The following PCDHA3 variants were observed in gnomAD, a reference collection of about 807,000 sequenced individuals.
The protein encoded by PCDHA3 is protocadherin alpha 3, also known as protocadherin alpha-3.
A neutral mutation model predicts 62.2 loss-of-function variants in PCDHA3; 41 were observed. That is an observed-to-expected ratio of 0.66 (90% CI 0.51 to 0.86). The LOEUF (loss-of-function observed/expected upper bound fraction) is 0.86. Among genes scored for constraint, PCDHA3 ranks in the 40% least tolerant of loss-of-function variants. The pLI is 0.00. For synonymous variants in PCDHA3, 640 were observed against 555.4 expected, an observed-to-expected ratio of 1.15 and a Z score of -2.14; for missense variants, 1,304 against 1,241.2, an observed-to-expected ratio of 1.05 and a Z score of -0.76.
intron 1 of PCDHA3, chr5:140,876,086 C>T (rs371336139): frequency 2.5e-6 from 4 of 1,613,778 alleles, no homozygotes; most frequent in East Asian, 2.2e-5. Flanking sequence ...AGAGAGCAAA[C>T]GCCAAAACTC....
At chr5:140,954,592 T>G (rs1250050362) in intron 1 of PCDHA3, among the ~76,000 whole-genome samples, 13 of 152,236 alleles carry the variant, frequency 8.5e-5, no homozygotes, top group Non-Finnish European at 5.9e-5. Flanking sequence ...TCTGTTCATG[T>G]TCTTTGCCCA....
At chr5:140,966,695 C>A in intron 1 of PCDHA3, 1 of 1,358,486 alleles carries the variant, frequency 7.4e-7, no homozygotes, top group Non-Finnish European at 9.5e-7. Flanking sequence ...AGGCGGGGCC[C>A]GGGCGTGGGG....
chr5:140,808,399 C>T (rs782596581), intron 1 of PCDHA3: 1 of 1,614,190 alleles, frequency 6.2e-7, no homozygotes, highest in Non-Finnish European at 8.5e-7. Flanking sequence ...TCAAGAATTA[C>T]TACTCGTTGG....
chr5:140,806,829 C>A, intron 1 of PCDHA3: 1 of 241,094 alleles, frequency 4.1e-6, no homozygotes. Context: ...TATGGCGAAA[C>A]TAAGGACCAC....
intron 1 of PCDHA3, among the ~76,000 whole-genome samples, chr5:140,826,067 T>C (rs2150142384): frequency 9.2e-5 from 14 of 152,216 alleles, no homozygotes; most frequent in Non-Finnish European, 1.5e-4. Flanking sequence ...TTTATTCTCA[T>C]ATGCATTCAA....
At chr5:140,804,894 T>A (rs1172477675) in intron 1 of PCDHA3, 7 of 715,336 alleles carry the variant, frequency 9.8e-6, no homozygotes, top group Non-Finnish European at 1.3e-5. Flanking sequence ...CTCCTTCCCC[T>A]CACTTCCATT....
intron 1 of PCDHA3, chr5:140,837,228 C>T (rs1388432907): frequency 6.6e-6 from 1 of 152,156 alleles, no homozygotes; most frequent in African/African-American, 2.4e-5. Context: ...TTAAGCATTT[C>T]TTTTACATCT....
At chr5:140,868,379 T>A (rs1554161939) in intron 1 of PCDHA3, 7 of 152,204 alleles carry the variant, frequency 4.6e-5, no homozygotes, top group African/African-American at 2.4e-5. Flanking sequence ...CAGTAAAGAA[T>A]GAGAACTATA....
chr5:141,006,351 A>G (rs537027677), intron 3 of PCDHA3, among the ~76,000 whole-genome samples: 1 of 151,966 alleles, frequency 6.6e-6, no homozygotes, highest in Non-Finnish European at 1.5e-5. Flanking sequence ...AGCTGGGACT[A>G]TAGGCGCCCA....
Position 140,842,704 on chromosome 5 carries a change from G to T in PCDHA3, c.2394+39113G>T, listed in dbSNP as rs151170990. 1.9e-4 allele frequency: 301 copies of T among 1,595,236 alleles called. 23 individuals are homozygous for T. In the African/African-American group the frequency reaches 3.7e-3, roughly 20 times the overall value. On this transcript the variant is annotated intron_variant, in intron 1 of 3. Transcript: ENST00000522353. ...CGGCGTTCGCGCAGCCCGAGTACAC[G>T]GTGTTCGTGAAGGAGAACAACCCGC...
Position 140,848,739 on chromosome 5 carries a change from G to A in PCDHA3, c.2394+45148G>A. On this transcript the variant is annotated intron_variant, in intron 1 of 3. Coordinates refer to ENST00000522353, the MANE Select transcript of PCDHA3 (RefSeq NM_018906.3). The stretch of plus-strand genomic sequence containing the variant: ...CCTTCTGGAGGTAAATCTGCAGAAT[G>A]GCATTTTGTTTGTGAATTCTCGGAT... The A allele has an allele frequency of 6.9e-6, 11 of 1,593,092 alleles. 1 individual carries two copies. The highest frequency in any genetic ancestry group is 9.5e-6 in the Non-Finnish European group (11 of 1,163,752).
At position 141,010,447 on chromosome 5, in the gene PCDHA3, A is replaced by G. The variant is rs1343052000; in HGVS notation, c.*510A>G. On this transcript the variant is annotated 3_prime_UTR_variant, in exon 4 of 4. Coordinates refer to ENST00000522353, the MANE Select transcript of PCDHA3 (RefSeq NM_018906.3). Reference sequence around the variant, plus strand: ...GGCAAGAAAACAAAGACAAATAAACAGCGGAAGTTATCAGTATGGAGGGGA... The same window carrying G: ...GGCAAGAAAACAAAGACAAATAAACGGCGGAAGTTATCAGTATGGAGGGGA... 2 of 935,278 alleles carry G rather than the reference A, an allele frequency of 2.1e-6. No homozygotes were observed. Among genetic ancestry groups the G allele is most frequent in the Non-Finnish European group, 3.1e-6 (2 of 648,428 alleles). The allele number at this position is 935,278 out of a possible 1,614,324, so 57.9% of individuals were successfully genotyped here.
chr5:140,824,010 G>C (rs1554129688), intron 1 of PCDHA3: 1 of 1,614,148 alleles, frequency 6.2e-7, no homozygotes, highest in South Asian at 1.1e-5. Flanking sequence ...GCGCGGTGGG[G>C]AGCTGGTCGT....
At chr5:140,847,783 T>G (rs1360011396) in intron 1 of PCDHA3, 1 of 149,840 alleles carries the variant, frequency 6.7e-6, no homozygotes, top group Non-Finnish European at 1.5e-5. Flanking sequence ...TCGCTTTTCT[T>G]GCAATATTTT....
At position 141,010,146 on chromosome 5, in the gene PCDHA3, C is replaced by A. The variant is rs782795358; in HGVS notation, c.*209C>A. 1 of 1,584,410 alleles carries A rather than the reference C, an allele frequency of 6.3e-7. No individual in the cohort carries two copies. Among genetic ancestry groups the A allele is most frequent in the Non-Finnish European group, 8.6e-7 (1 of 1,164,258 alleles). The stretch of plus-strand genomic sequence containing the variant: ...TAAGTCTGGTGTTAACTCTTTCTCT[C>A]CACTCTGGCTTGTTTTCAGAACCTA... On this transcript the variant is annotated 3_prime_UTR_variant, in exon 4 of 4. Transcript: ENST00000522353.
intron 1 of PCDHA3, chr5:140,859,810 TGC>T (rs2046025948): frequency 6.6e-6 from 1 of 152,488 alleles, no homozygotes. Context: ...GCTAAGTTAA[TGC>T]AGAGTTTAGA....
rs2150353254 is a variant in PCDHA3 at position 140,843,123 on chromosome 5, C to A, written c.2394+39532C>A. On this transcript the variant is annotated intron_variant, in intron 1 of 3. Transcript: ENST00000522353. ...AAGGTGCGCGCAGTGGACGCCGACT[C>A]GGGCTACAACGCGTGGCTTTCGTAT... The A allele has an allele frequency of 3.1e-6, 5 of 1,595,902 alleles. No individual in the cohort carries two copies. In the South Asian group the frequency reaches 3.3e-5, roughly 11 times the overall value.
intron 1 of PCDHA3, among the ~76,000 whole-genome samples, chr5:140,831,611 C>T (rs1403752788): frequency 9.3e-5 from 14 of 150,788 alleles, no homozygotes. Flanking sequence ...GATCTGCCCA[C>T]CTTGGCCTCC....
intron 1 of PCDHA3, chr5:140,858,279 G>A: frequency 2.5e-6 from 4 of 1,597,396 alleles, no homozygotes; most frequent in South Asian, 1.1e-5. Flanking sequence ...AGCGCGGTGG[G>A]GAGCTGGTCT....
Sources: allele counts gnomAD v4.1 joint callset (sites outside exome capture counted in the v4.1 genomes callset), GRCh38; gene constraint gnomAD v4.1.1; transcripts MANE v1.5; gene names NCBI Gene and HGNC (gene_info 2026-07-23, HGNC 2026-07-21).